The following TIAM1 variants were observed in gnomAD, a reference collection of about 807,000 sequenced individuals.
The protein encoded by TIAM1 is TIAM Rac1 associated GEF 1.
In TIAM1, 65 loss-of-function variants were observed where a neutral mutation model predicts 163.5. The ratio of observed to expected loss-of-function variants is 0.40; its 90% confidence interval spans 0.33 to 0.49. The LOEUF (loss-of-function observed/expected upper bound fraction) is 0.49, where lower values mean the gene tolerates loss of function less well. TIAM1 is among the 20% of genes least tolerant of loss of function. The pLI is 0.77. For synonymous variants in TIAM1, 833 were observed against 810.1 expected (o/e 1.03, Z -0.48); for missense variants, 1,789 against 2,044.7 (o/e 0.87, Z 2.41).
intron 6 of TIAM1, among the ~76,000 whole-genome samples, chr21:31,236,590 A>T (rs1355785222): frequency 6.6e-6 from 1 of 152,210 alleles, no homozygotes; most frequent in Non-Finnish European, 1.5e-5. Context: ...CAAGGATAAC[A>T]TATCAAAGAG....
intron 3 of TIAM1, 26 bp from the exon 4 acceptor site, chr21:31,267,009 A>C (rs371813716): frequency 6.4e-7 from 1 of 1,565,768 alleles, no homozygotes; most frequent in African/African-American, 1.3e-5. Context: ...GGGAAAGGGG[A>C]GAATTGAGTC....
At chr21:31,511,269 C>A (rs1382488234) in intron 1 of TIAM1, among the ~76,000 whole-genome samples, 1 of 152,202 alleles carries the variant, frequency 6.6e-6, no homozygotes, top group Admixed American at 6.5e-5. Flanking sequence ...GTTGGCTGGG[C>A]ACTAAAGGTT....
At chr21:31,226,477 C>T (rs1179358965) in intron 6 of TIAM1, among the ~76,000 whole-genome samples, 1 of 152,084 alleles carries the variant, frequency 6.6e-6, no homozygotes, top group Non-Finnish European at 1.5e-5. Context: ...GAAGAAATAC[C>T]GTCTTTGGGG....
chr21:31,466,609 G>A (rs1329789173), intron 1 of TIAM1, among the ~76,000 whole-genome samples: 4 of 152,134 alleles, frequency 2.6e-5, no homozygotes, highest in Non-Finnish European at 4.4e-5. Flanking sequence ...CTGATACCTC[G>A]AGGTGGTGCC....
chr21:31,267,040 C>A, intron 3 of TIAM1, 57 bp from the exon 4 acceptor site: 1 of 1,514,620 alleles, frequency 6.6e-7, no homozygotes, highest in Non-Finnish European at 8.8e-7. Flanking sequence ...CAGGTATAGG[C>A]ATCTTAGAGA....
At chr21:31,198,935 G>C (rs562484908) in intron 12 of TIAM1, among the ~76,000 whole-genome samples, 1 of 152,274 alleles carries the variant, frequency 6.6e-6, no homozygotes, top group African/African-American at 2.4e-5. Context: ...ATCTCAAGAA[G>C]CGTTTGTACT....
At chr21:31,430,361 C>T (rs1290880512) in intron 2 of TIAM1, among the ~76,000 whole-genome samples, 1 of 151,236 alleles carries the variant, frequency 6.6e-6, no homozygotes, top group Non-Finnish European at 1.5e-5. Flanking sequence ...AATTACCATA[C>T]ATGCAAACAA....
At position 31,245,569 on chromosome 21, in the gene TIAM1, A is replaced by T; in HGVS notation, c.1503T>A (p.Ile501=). The part of the protein sequence containing the change: ...PKHAVWVENS[I]VQAVPEHPKK... Reference sequence around the variant, plus strand: ...TGGGGTGCTCAGGCACCGCCTGCACAATGCTGTTCTCCACCCAGACGGCGT... The same window carrying T: ...TGGGGTGCTCAGGCACCGCCTGCACTATGCTGTTCTCCACCCAGACGGCGT... The change falls in exon 6 of 28, where the codon ATT becomes ATA. Residue 501 remains isoleucine, a synonymous_variant. Coordinates refer to ENST00000541036, the MANE Select transcript of TIAM1 (RefSeq NM_001353694.2). 6.2e-7 allele frequency: 1 copy of T among 1,608,092 alleles called. No homozygotes were observed. The highest frequency in any genetic ancestry group is 8.5e-7 in the Non-Finnish European group (1 of 1,177,360).
chr21:31,315,854 G>A (rs1433994432), intron 2 of TIAM1, among the ~76,000 whole-genome samples: 1 of 151,858 alleles, frequency 6.6e-6, no homozygotes, highest in Non-Finnish European at 1.5e-5. Context: ...GTGCACGCCT[G>A]TAATCCCAGC....
chr21:31,372,580 A>T (rs945445500), intron 2 of TIAM1, among the ~76,000 whole-genome samples: 1 of 152,134 alleles, frequency 6.6e-6, no homozygotes, highest in African/African-American at 2.4e-5. Flanking sequence ...AGAGGTGAAG[A>T]GAAGATGTGG....
intron 1 of TIAM1, among the ~76,000 whole-genome samples, chr21:31,527,993 G>A (rs1204161140): frequency 6.6e-6 from 1 of 152,160 alleles, no homozygotes; most frequent in Non-Finnish European, 1.5e-5. Context: ...TGATACAAGT[G>A]TTACAGTGTT....
chr21:31,419,428 G>A (rs1263814766), intron 2 of TIAM1, among the ~76,000 whole-genome samples: 3 of 152,180 alleles, frequency 2.0e-5, no homozygotes, highest in Non-Finnish European at 4.4e-5. Context: ...CTCACCTTCA[G>A]TTAAATGCCA....
intron 27 of TIAM1, among the ~76,000 whole-genome samples, chr21:31,122,251 G>T (rs1422808199): frequency 6.6e-6 from 1 of 151,854 alleles, no homozygotes; most frequent in Non-Finnish European, 1.5e-5. Context: ...AGGCAAAATG[G>T]AAAAAGGGAA....
At chr21:31,265,129 T>C (rs1237194628) in intron 4 of TIAM1, among the ~76,000 whole-genome samples, 2 of 151,976 alleles carry the variant, frequency 1.3e-5, no homozygotes, top group African/African-American at 4.8e-5. Context: ...AACATTTTAT[T>C]ATCCTAATCT....
At chr21:31,222,445 T>C (rs2087611013) in intron 8 of TIAM1, among the ~76,000 whole-genome samples, 1 of 151,916 alleles carries the variant, frequency 6.6e-6, no homozygotes, top group Non-Finnish European at 1.5e-5. Flanking sequence ...AACACAACTA[T>C]ACAATCTGCC....
At chr21:31,484,603 C>T (rs1487908295) in intron 1 of TIAM1, among the ~76,000 whole-genome samples, 1 of 152,188 alleles carries the variant, frequency 6.6e-6, no homozygotes, top group African/African-American at 2.4e-5. Context: ...TAAACCTACT[C>T]AAGGCCCAGC....
rs567967201 is a variant in TIAM1, at chr21:31,414,340, T to C, written c.-369+49643A>G. 2.6e-5 allele frequency among the ~76,000 whole-genome samples: 4 copies of C among 152,326 alleles called. No homozygotes were observed. The South Asian group carries it at 8.3e-4, about 32-fold the overall frequency. On this transcript the variant is annotated intron_variant, in intron 2 of 28. Coordinates refer to the TIAM1 transcript ENST00000286827. ...TGTACACATGTCTTCTGCAGGTGGT[T>C]TTCATCAGACTCAAAAGCGAAGCTG...
At chr21:31,317,370 T>G (rs1311157966) in intron 2 of TIAM1, among the ~76,000 whole-genome samples, 1 of 152,152 alleles carries the variant, frequency 6.6e-6, no homozygotes, top group African/African-American at 2.4e-5. Context: ...GGAGAATTGC[T>G]TGAACTCGGG....
chr21:31,120,979 T>G lies in TIAM1; in HGVS notation c.4307-142A>C, dbSNP rs1324199042. On this transcript the variant is annotated intron_variant, in intron 27 of 27. Transcript: ENST00000541036. This position sits in a 1 kb window ranked among gnomAD's most constrained non-coding sequence, Gnocchi z 4.2. ...TTGATGTCTTTTGGGGCTTAAAGTC[T>G]ACATATCACCAATCTGTCATGGAGC... is the stretch of plus-strand genomic sequence containing the variant. 14 of 746,204 alleles carry G rather than the reference T, an allele frequency of 1.9e-5. No homozygotes were observed. The highest frequency in any genetic ancestry group is 2.1e-5 in the Non-Finnish European group (10 of 470,302). The allele number at this position is 746,204 out of a possible 1,614,324, so 46.2% of individuals were successfully genotyped here. A position where few individuals can be genotyped will look rare whatever the true frequency, so the allele number is the denominator to read the frequency against.
Sources: allele counts gnomAD v4.1 joint callset (sites outside exome capture counted in the v4.1 genomes callset), GRCh38; gene constraint gnomAD v4.1.1; non-coding constraint Gnocchi (gnomAD v3.1); transcripts MANE v1.5; gene names NCBI Gene and HGNC (gene_info 2026-07-23, HGNC 2026-07-21).